Variants in UBTD2 observed in about 807,000 individuals in gnomAD.
The protein encoded by UBTD2 is ubiquitin domain containing 2.
Under a neutral mutation model 19.8 loss-of-function variants are expected in UBTD2, and 9 were observed. The ratio of observed to expected loss-of-function variants is 0.46; its 90% confidence interval spans 0.27 to 0.79. The LOEUF (loss-of-function observed/expected upper bound fraction) is 0.79. Among genes scored for constraint, UBTD2 ranks in the 30% least tolerant of loss-of-function variants. UBTD2 has a pLI of 0.14. For synonymous variants in UBTD2, 98 were observed against 103.9 expected (o/e 0.94, Z 0.35); for missense variants, 250 against 300.4 (o/e 0.83, Z 1.24).
chr5:172,226,981 T>C (rs1196395591), intron 2 of UBTD2, among the ~76,000 whole-genome samples: 1 of 152,216 alleles, frequency 6.6e-6, no homozygotes, highest in Non-Finnish European at 1.5e-5. Context: ...TGTGTAACAC[T>C]GCACCACAGT....
In UBTD2 at chr5:172,279,871, C is replaced by T. The variant is rs73317706; in HGVS notation, c.70+3725G>A. On this transcript the variant is annotated intron_variant, in intron 1 of 2. Coordinates refer to ENST00000393792, the MANE Select transcript of UBTD2 (RefSeq NM_152277.3). ...TCTGAAAATGTCAAAACAGGCTGGG[C>T]GAGGTGGCTCACGTGAAGTCAGGAG... Among the ~76,000 whole-genome samples, 953 of 152,194 alleles carry T rather than the reference C, an allele frequency of 6.3e-3. 10 individuals carry two copies. Among genetic ancestry groups the T allele is most frequent in the African/African-American group, 0.022 (911 of 41,536 alleles).
chr5:172,282,776 C>A (rs1040577838), intron 1 of UBTD2, among the ~76,000 whole-genome samples: 4 of 152,144 alleles, frequency 2.6e-5, no homozygotes, highest in African/African-American at 9.7e-5. Flanking sequence ...AATTAAAATA[C>A]CTATCCTCAG....
At chr5:172,278,494 A>G (rs10054468) in intron 1 of UBTD2, among the ~76,000 whole-genome samples, 48,580 of 150,834 alleles carry the variant, frequency 0.32, 7,937 homozygotes, top group South Asian at 0.42. Flanking sequence ...ATTCCAGCCT[A>G]GGCAGAGTGA....
At chr5:172,263,598 T>C (rs2113103511) in intron 1 of UBTD2, among the ~76,000 whole-genome samples, 1 of 151,998 alleles carries the variant, frequency 6.6e-6, no homozygotes, top group South Asian at 2.1e-4. Context: ...ATCGAGACCA[T>C]CCCAGTTAAC....
chr5:172,224,881 A>C (rs757976331), intron 2 of UBTD2, among the ~76,000 whole-genome samples: 1 of 152,224 alleles, frequency 6.6e-6, no homozygotes, highest in South Asian at 2.1e-4. Flanking sequence ...GAACACTCTA[A>C]AAGTTGACAA....
Position 172,234,185 on chromosome 5 carries a change from C to G in UBTD2, c.244G>C (p.Glu82Gln). The change falls in exon 2 of 3, where the codon GAG becomes CAG. Residue 82 changes from glutamate to glutamine, a missense_variant. By Grantham distance (29) the Glu-to-Gln change is conservative. Coordinates refer to ENST00000393792, the MANE Select transcript of UBTD2 (RefSeq NM_152277.3). ...TGTGCCAGTTCATGATCATTGCTCTCAAAAGCATGTGCAGCAGCCTTCAAG... is the reference window on the plus strand; with the variant it reads ...TGTGCCAGTTCATGATCATTGCTCTGAAAAGCATGTGCAGCAGCCTTCAAG... ...DALKAAAHAFESNDHELAQAI... is the reference protein window; with the variant it reads ...DALKAAAHAFQSNDHELAQAI... 6.2e-7 allele frequency: 1 copy of G among 1,614,142 alleles called. No individual in the cohort carries two copies. Among genetic ancestry groups the G allele is most frequent in the Non-Finnish European group, 8.5e-7 (1 of 1,180,032 alleles).
intron 1 of UBTD2, among the ~76,000 whole-genome samples, chr5:172,258,574 T>C (rs1755205655): frequency 6.6e-6 from 1 of 152,212 alleles, no homozygotes; most frequent in African/African-American, 2.4e-5. Flanking sequence ...TGTATGCCCA[T>C]CTTAACAATA....
At chr5:172,269,459 C>G (rs1002335664) in intron 1 of UBTD2, among the ~76,000 whole-genome samples, 1 of 150,068 alleles carries the variant, frequency 6.7e-6, no homozygotes, top group Non-Finnish European at 1.5e-5. Flanking sequence ...CCACTGCACT[C>G]CGGTCTGGGC....
chr5:172,224,298 CTT>C (rs35105814), intron 2 of UBTD2, among the ~76,000 whole-genome samples: 23,565 of 121,428 alleles, frequency 0.19, 2,631 homozygotes, highest in African/African-American at 0.37. Flanking sequence ...TTTTTCATTT[CTT>C]TTTTTTTTTT....
intron 1 of UBTD2, among the ~76,000 whole-genome samples, chr5:172,244,754 G>C (rs1266024512): frequency 6.6e-6 from 1 of 152,042 alleles, no homozygotes; most frequent in East Asian, 1.9e-4. Context: ...TTGAGACGAA[G>C]TCTTGCTCTA....
intron 2 of UBTD2, among the ~76,000 whole-genome samples, chr5:172,214,063 G>A (rs1771499489): frequency 6.6e-6 from 1 of 152,216 alleles, no homozygotes; most frequent in Non-Finnish European, 1.5e-5. Flanking sequence ...GGGATCACAG[G>A]CGTGAGCCAC....
At chr5:172,235,899 G>A (rs1771999181) in intron 1 of UBTD2, among the ~76,000 whole-genome samples, 1 of 152,220 alleles carries the variant, frequency 6.6e-6, no homozygotes, top group Admixed American at 6.5e-5. Flanking sequence ...ACAGCGAGTG[G>A]GAAGGAGAGA....
chr5:172,217,420 A>G (rs1473604851), intron 2 of UBTD2, among the ~76,000 whole-genome samples: 1 of 25,876 alleles, frequency 3.9e-5, no homozygotes, highest in Admixed American at 2.9e-4. Context: ...CTCTGTCTCA[A>G]AAAAAAAAAA....
chr5:172,240,454 T>C (rs534302606), intron 1 of UBTD2, among the ~76,000 whole-genome samples: 2 of 152,168 alleles, frequency 1.3e-5, no homozygotes, highest in Non-Finnish European at 2.9e-5. Flanking sequence ...AAGGCATTTA[T>C]ATAATTTCAA....
chr5:172,283,782 C>G (rs1184853976), upstream of UBTD2: 1 of 639,058 alleles, frequency 1.6e-6, no homozygotes, highest in Non-Finnish European at 2.0e-6. This position sits in a 1 kb window ranked among gnomAD's most constrained non-coding sequence, Gnocchi z 4.3. Flanking sequence ...CCGCTCCGCT[C>G]GCCCGCCGCG....
chr5:172,261,866 C>T (rs968404315), intron 1 of UBTD2, among the ~76,000 whole-genome samples: 15 of 152,042 alleles, frequency 9.9e-5, no homozygotes, highest in African/African-American at 3.6e-4. Flanking sequence ...TCAAGTGATC[C>T]GCCTGCCTCT....
At chr5:172,251,626 GA>G (rs60201763) in intron 1 of UBTD2, among the ~76,000 whole-genome samples, 10,933 of 142,186 alleles carry the variant, frequency 0.077, 400 homozygotes, top group Admixed American at 0.12. Context: ...AAAGTGCAAT[GA>G]AAAAAAAAAA....
At position 172,211,691 on chromosome 5, in the gene UBTD2, A is replaced by T; in HGVS notation, c.*139T>A. The T allele has an allele frequency of 2.1e-6, 2 of 931,614 alleles. No individual in the cohort carries two copies. Among genetic ancestry groups the T allele is most frequent in the Non-Finnish European group, 2.9e-6 (2 of 679,660 alleles). 57.7% of individuals were successfully genotyped at this position (931,614 alleles called of 1,614,324 possible). ...GTCTCCATCACAGATGGAATTTTTCACTGGTAATTCCTCAGAACTAAATCC... is the reference window on the plus strand; with the variant it reads ...GTCTCCATCACAGATGGAATTTTTCTCTGGTAATTCCTCAGAACTAAATCC... On this transcript the variant is annotated 3_prime_UTR_variant, in exon 3 of 3. Coordinates refer to ENST00000393792, the MANE Select transcript of UBTD2 (RefSeq NM_152277.3).
intron 1 of UBTD2, among the ~76,000 whole-genome samples, chr5:172,263,845 G>A (rs1353215803): frequency 2.1e-5 from 3 of 140,930 alleles, no homozygotes; most frequent in Non-Finnish European, 3.0e-5. Context: ...TACAATGCAC[G>A]TGCCTCTGTG....
Sources: allele counts gnomAD v4.1 joint callset (sites outside exome capture counted in the v4.1 genomes callset), GRCh38; gene constraint gnomAD v4.1.1; non-coding constraint Gnocchi (gnomAD v3.1); transcripts MANE v1.5; gene names NCBI Gene and HGNC (gene_info 2026-07-23, HGNC 2026-07-21).